The following TPTE variants were observed in gnomAD, a reference collection of about 807,000 sequenced individuals.
TPTE encodes transmembrane phosphatase with tensin homology.
Under a neutral mutation model 84.1 loss-of-function variants are expected in TPTE, and 59 were observed. That is an observed-to-expected ratio of 0.70 (90% CI 0.57 to 0.87). The LOEUF (loss-of-function observed/expected upper bound fraction) is 0.87, where lower values mean the gene tolerates loss of function less well. Ranked by LOEUF, TPTE falls within the 40% of genes least tolerant of loss-of-function variation. The pLI is 0.00. For missense variants in TPTE, 382 were observed against 659.6 expected (o/e 0.58, Z 4.61); for synonymous variants, 130 against 223.5 (o/e 0.58, Z 3.73).
At chr21:10,602,823 A>G (rs1978732742) in intron 22 of TPTE, 1 of 517,962 alleles carries the variant, frequency 1.9e-6, no homozygotes, top group Admixed American at 1.9e-5. Context: ...GGGTGGGAGC[A>G]ATAGCGAGAG....
At chr21:10,565,596 A>G (rs2074904262) in intron 10 of TPTE, among the ~76,000 whole-genome samples, 1 of 152,310 alleles carries the variant, frequency 6.6e-6, no homozygotes, top group Admixed American at 6.5e-5. Context: ...ACATTACCTG[A>G]CTTCAAATTA....
chr21:10,533,143 ATTC>A (rs1161127146), intron 3 of TPTE, among the ~76,000 whole-genome samples: 2 of 152,298 alleles, frequency 1.3e-5, no homozygotes, highest in Non-Finnish European at 2.9e-5. Context: ...TGTTCTCTTT[ATTC>A]TTTTCTACTA....
At chr21:10,557,450 C>T (rs1375499555) in intron 8 of TPTE, among the ~76,000 whole-genome samples, 1 of 152,312 alleles carries the variant, frequency 6.6e-6, no homozygotes, top group Non-Finnish European at 1.5e-5. Context: ...CATAATCTGT[C>T]AGACTTGGTT....
chr21:10,535,377 AAG>A (rs1194641069), intron 3 of TPTE, among the ~76,000 whole-genome samples: 9 of 152,308 alleles, frequency 5.9e-5, no homozygotes, highest in African/African-American at 2.2e-4. Flanking sequence ...AAAACAATGA[AAG>A]AGAAAGAGAA....
intron 1 of TPTE, among the ~76,000 whole-genome samples, chr21:10,523,157 C>G (rs994154271): frequency 1.0e-4 from 16 of 152,420 alleles, no homozygotes; most frequent in African/African-American, 2.9e-4. Flanking sequence ...ATAATCCTCT[C>G]CATTACATAC....
At chr21:10,544,827 G>T (rs1290846563) in intron 7 of TPTE, among the ~76,000 whole-genome samples, 1 of 152,310 alleles carries the variant, frequency 6.6e-6, no homozygotes, top group African/African-American at 2.4e-5. Context: ...TTTACAAACT[G>T]AAGTTGATTT....
Position 10,543,014 on chromosome 21 carries a change from CTTTTTTTTTTTTT to C in TPTE, c.120-301_120-289del, listed in dbSNP as rs1051322060. Among the ~76,000 whole-genome samples the C allele has an allele frequency of 1.5e-4, 11 of 72,276 alleles. 2 individuals carry two copies. The highest frequency in any genetic ancestry group is 3.4e-4 in the African/African-American group (6 of 17,714). 47.4% of individuals were successfully genotyped at this position (72,276 alleles called of 152,430 possible). ...ATCGCGTCTCCTATCTGACTGTATT[CTTTTTTTTTTTTT>C]TTTTTTTTTTTTTGAGACGGAGTCT... On this transcript the variant is annotated intron_variant, in intron 6 of 23. Transcript: ENST00000618007.
At chr21:10,551,020 A>G (rs1411086993) in intron 7 of TPTE, among the ~76,000 whole-genome samples, 1 of 146,616 alleles carries the variant, frequency 6.8e-6, no homozygotes, top group Non-Finnish European at 1.5e-5. Context: ...GAAGAAAGAA[A>G]TTAAGAATGA....
At position 10,536,529 on chromosome 21, in the gene TPTE, C is replaced by T. The variant is rs1351659371; in HGVS notation, c.-43-2152C>T. Among the ~76,000 whole-genome samples the T allele has an allele frequency of 4.6e-5, 7 of 152,410 alleles. No individual in the cohort carries two copies. In the East Asian group the frequency reaches 1.2e-3, roughly 25 times the overall value. On this transcript the variant is annotated intron_variant, in intron 3 of 23. Transcript: ENST00000618007. ...ACAAATATTTAAAGAAATATATATGCAGATATACATACTTCTGTCTATCTA... is the reference window on the plus strand; with the variant it reads ...ACAAATATTTAAAGAAATATATATGTAGATATACATACTTCTGTCTATCTA...
intron 18 of TPTE, among the ~76,000 whole-genome samples, chr21:10,590,899 A>C: frequency 6.6e-6 from 1 of 152,312 alleles, no homozygotes; most frequent in East Asian, 1.9e-4. Context: ...GGGCAGGATT[A>C]AGGTGAGGGG....
intron 3 of TPTE, among the ~76,000 whole-genome samples, chr21:10,538,155 A>T (rs1196343880): frequency 6.6e-6 from 1 of 152,312 alleles, no homozygotes; most frequent in Non-Finnish European, 1.5e-5. Context: ...GAGAAGAGAA[A>T]AAAGCTAACA....
intron 17 of TPTE, among the ~76,000 whole-genome samples, chr21:10,584,969 A>G (rs1412590314): frequency 6.6e-6 from 1 of 152,310 alleles, no homozygotes; most frequent in Non-Finnish European, 1.5e-5. Flanking sequence ...CTTGGCTTAC[A>G]CCTGTAATCC....
chr21:10,524,438 C>G (rs1222872379), intron 1 of TPTE, 142 bp from the exon 2 acceptor site: 1 of 152,522 alleles, frequency 6.6e-6, no homozygotes, highest in Non-Finnish European at 1.5e-5. Context: ...AACCTTGTTA[C>G]TTGCCAGGAA....
At chr21:10,559,245 G>T (rs1237740059) in intron 8 of TPTE, among the ~76,000 whole-genome samples, 1 of 152,312 alleles carries the variant, frequency 6.6e-6, no homozygotes, top group African/African-American at 2.4e-5. Flanking sequence ...TGGGGTTGGG[G>T]CTTTGCATGC....
intron 2 of TPTE, 115 bp from the exon 3 acceptor site, chr21:10,527,240 C>G (rs2074097099): frequency 6.5e-6 from 1 of 152,726 alleles, no homozygotes; most frequent in Admixed American, 6.5e-5. Context: ...TAGTTCTTGT[C>G]AAAATTCCTC....
At chr21:10,563,321 C>G (rs1025238006) in intron 10 of TPTE, among the ~76,000 whole-genome samples, 3 of 152,308 alleles carry the variant, frequency 2.0e-5, no homozygotes, top group African/African-American at 7.2e-5. Context: ...AGGTATAAAA[C>G]TCACTGGTAA....
At chr21:10,575,742 A>G (rs1272065789) in intron 14 of TPTE, among the ~76,000 whole-genome samples, 1 of 152,306 alleles carries the variant, frequency 6.6e-6, no homozygotes, top group Non-Finnish European at 1.5e-5. Flanking sequence ...AATTTACAAG[A>G]AAAACACAAC....
chr21:10,532,086 A>G (rs1319857505), intron 3 of TPTE, among the ~76,000 whole-genome samples: 1 of 152,422 alleles, frequency 6.6e-6, no homozygotes, highest in Non-Finnish European at 1.5e-5. Flanking sequence ...GTTGACATAG[A>G]TTTTGTAGTA....
intron 21 of TPTE, among the ~76,000 whole-genome samples, chr21:10,598,745 C>A (rs1460557811): frequency 3.9e-5 from 6 of 152,418 alleles, no homozygotes; most frequent in African/African-American, 1.2e-4. Context: ...AACTATATAC[C>A]TTTTCTGAAA....
Sources: gnomAD v4.1 joint callset for allele counts (sites outside exome capture counted in the v4.1 genomes callset) on GRCh38, gnomAD v4.1.1 for gene constraint, MANE v1.5 for transcripts, NCBI Gene and HGNC (gene_info 2026-07-23, HGNC 2026-07-21) for gene names.